SNX29: variants seen among roughly 807,000 people sequenced by gnomAD.
The protein encoded by SNX29 is sorting nexin 29, also known as sorting nexin-29.
Under a neutral mutation model 102.1 loss-of-function variants are expected in SNX29, and 78 were observed. The ratio of observed to expected loss-of-function variants is 0.76; its 90% CI spans 0.64 to 0.92. The LOEUF (loss-of-function observed/expected upper bound fraction) is 0.92. SNX29 is among the 40% of genes least tolerant of loss of function. The pLI is 0.00. For missense variants in SNX29, 1,280 were observed against 1,061.7 expected (o/e 1.21, Z -2.86); for synonymous variants, 580 against 414.5 (o/e 1.40, Z -4.85).
rs942663280 is a variant in SNX29, at chr16:12,237,417, G to C, written c.1678+37734G>C. Among the ~76,000 whole-genome samples, 4 of 152,262 alleles carry C rather than the reference G, an allele frequency of 2.6e-5. No individual in the cohort carries two copies. The South Asian group carries it at 8.3e-4, about 32-fold the overall frequency. On this transcript the variant is annotated intron_variant, in intron 14 of 20. Transcript: ENST00000566228. ...CAATTAAGGACATTTCACGTTTTTC[G>C]TGTCTCTCTGACCATCATGTTGCTG...
intron 15 of SNX29, among the ~76,000 whole-genome samples, chr16:12,290,382 A>T (rs1004651444): frequency 6.6e-6 from 1 of 151,916 alleles, no homozygotes; most frequent in African/African-American, 2.4e-5. Context: ...CTGACTTCTG[A>T]TCTTTCAGAT....
chr16:12,555,701 G>A (rs3135012), intron 20 of SNX29, among the ~76,000 whole-genome samples: 29,556 of 151,826 alleles, frequency 0.19, 3,064 homozygotes, highest in East Asian at 0.42. Flanking sequence ...GATACTCTAC[G>A]AGATTCTCCC....
rs879469342 is a variant in SNX29 at position 12,434,724 on chromosome 16, CT to C, written c.2037+31196del. ...ATCTGACACCGAAGGCCCTGCTGACCTCATCCAGGACAGTACAGGTCAGACA... is the reference window on the plus strand; with the variant it reads ...ATCTGACACCGAAGGCCCTGCTGACCCATCCAGGACAGTACAGGTCAGACA... On this transcript the variant is annotated intron_variant, in intron 18 of 20. Coordinates refer to ENST00000566228, the MANE Select transcript of SNX29 (RefSeq NM_032167.5). Among the ~76,000 whole-genome samples the C allele has an allele frequency of 1.6e-4, 24 of 152,212 alleles. No homozygotes were observed. The East Asian group carries it at 4.6e-3, about 29-fold the overall frequency.
chr16:12,553,241 A>G (rs1419867214), intron 20 of SNX29, among the ~76,000 whole-genome samples: 2 of 152,154 alleles, frequency 1.3e-5, no homozygotes, highest in Non-Finnish European at 2.9e-5. Context: ...GAGAATACAG[A>G]GAGAGATTGT....
At chr16:12,154,524 A>G (rs1216650154) in intron 13 of SNX29, among the ~76,000 whole-genome samples, 2 of 151,746 alleles carry the variant, frequency 1.3e-5, no homozygotes, top group African/African-American at 4.9e-5. Context: ...TCAGAATCCC[A>G]TGAGAAAGGG....
At chr16:12,153,547 C>T (rs1340600377) in intron 13 of SNX29, among the ~76,000 whole-genome samples, 1 of 151,986 alleles carries the variant, frequency 6.6e-6, no homozygotes, top group African/African-American at 2.4e-5. Context: ...GACCTCACCT[C>T]ACTGCAGCCT....
Position 12,302,207 on chromosome 16 carries a change from G to A in SNX29, c.1782+24171G>A, listed in dbSNP as rs375910032. Among the ~76,000 whole-genome samples, 70 of 152,312 alleles carry A rather than the reference G, an allele frequency of 4.6e-4. No homozygotes were observed. The East Asian group carries it at 0.013, about 29-fold the overall frequency. On this transcript the variant is annotated intron_variant, in intron 15 of 20. Transcript: ENST00000566228. ...GTAACTATTCACCTCCGTCAAAGCG[G>A]CATGGAAACAGATGAATATAAGCAA...
intron 18 of SNX29, among the ~76,000 whole-genome samples, chr16:12,443,859 G>A (rs559237833): frequency 1.3e-5 from 2 of 152,366 alleles, no homozygotes; most frequent in African/African-American, 4.8e-5. Context: ...TGCAAAAAGG[G>A]TATGGGATGA....
rs183344441 is a variant in SNX29, at chr16:12,572,645, C to T, written c.*4016C>T. On this transcript the variant is annotated 3_prime_UTR_variant, in exon 21 of 21. Transcript: ENST00000566228. ...CAGAATCCATCCTTCATTCCTCCAC[C>T]AAGCTCCTGTGTGAGCTGCAGCACC... is the stretch of plus-strand genomic sequence containing the variant. The T allele has an allele frequency of 0.011, 12,034 of 1,063,812 alleles. 93 individuals are homozygous for T. The highest frequency in any genetic ancestry group is 0.032 in the South Asian group (700 of 21,968). The allele number at this position is 1,063,812 out of a possible 1,614,324, so 65.9% of individuals were successfully genotyped here. A position where few individuals can be genotyped will look rare whatever the true frequency, so the allele number is the denominator to read the frequency against.
intron 17 of SNX29, among the ~76,000 whole-genome samples, chr16:12,400,768 A>C (rs1429844512): frequency 6.6e-6 from 1 of 152,222 alleles, no homozygotes; most frequent in African/African-American, 2.4e-5. Flanking sequence ...ACAGAAATGA[A>C]AGGAGAAACA....
At chr16:12,540,831 A>G (rs942672670) in intron 20 of SNX29, among the ~76,000 whole-genome samples, 3 of 152,160 alleles carry the variant, frequency 2.0e-5, no homozygotes, top group African/African-American at 7.2e-5. Flanking sequence ...GCAAAAAGAA[A>G]CAAGATCGCC....
chr16:12,510,595 C>T (rs1431716589), intron 19 of SNX29, among the ~76,000 whole-genome samples: 1 of 152,048 alleles, frequency 6.6e-6, no homozygotes, highest in African/African-American at 2.4e-5. Flanking sequence ...ATCGCTGGAA[C>T]CCCGGAGGCA....
At chr16:12,409,319 A>G (rs1484780363) in intron 18 of SNX29, among the ~76,000 whole-genome samples, 2 of 152,124 alleles carry the variant, frequency 1.3e-5, no homozygotes, top group African/African-American at 4.8e-5. Context: ...TCCATATGAC[A>G]GAGTTAAATT....
chr16:12,204,168 G>A (rs1349460655), intron 14 of SNX29, among the ~76,000 whole-genome samples: 3 of 152,134 alleles, frequency 2.0e-5, no homozygotes, highest in Non-Finnish European at 4.4e-5. Context: ...GAGAGAAAGC[G>A]AACTCTGATC....
chr16:12,540,985 A>G (rs1422090594), intron 20 of SNX29, among the ~76,000 whole-genome samples: 1 of 152,142 alleles, frequency 6.6e-6, no homozygotes, highest in Non-Finnish European at 1.5e-5. Flanking sequence ...TACAGGGGAA[A>G]AATGGTGAGC....
chr16:12,088,098 G>T (rs920362727), intron 11 of SNX29: 3 of 456,536 alleles, frequency 6.6e-6, no homozygotes, highest in Admixed American at 4.7e-5. Context: ...CTCCACACAG[G>T]TCCTGCCGTG....
chr16:12,438,767 C>G (rs1471635796), intron 18 of SNX29, among the ~76,000 whole-genome samples: 1 of 152,220 alleles, frequency 6.6e-6, no homozygotes, highest in Non-Finnish European at 1.5e-5. Flanking sequence ...CACATTTGAA[C>G]TGAGATCTGA....
At chr16:12,057,473 A>T (rs1258793707) in intron 8 of SNX29, among the ~76,000 whole-genome samples, 1 of 152,132 alleles carries the variant, frequency 6.6e-6, no homozygotes, top group African/African-American at 2.4e-5. Context: ...GTTGATAGCC[A>T]TGGGGGAAAG....
chr16:12,425,923 C>G (rs1274734275), intron 18 of SNX29, among the ~76,000 whole-genome samples: 1 of 152,126 alleles, frequency 6.6e-6, no homozygotes, highest in Non-Finnish European at 1.5e-5. Flanking sequence ...CAGGGCTAAC[C>G]TGGACTCTCT....
Sources: allele counts gnomAD v4.1 joint callset (sites outside exome capture counted in the v4.1 genomes callset), GRCh38; gene constraint gnomAD v4.1.1; transcripts MANE v1.5; gene names NCBI Gene and HGNC (gene_info 2026-07-23, HGNC 2026-07-21).